SCAPER: variants seen among roughly 807,000 people sequenced by gnomAD.
The protein encoded by SCAPER is S phase cyclin A-associated protein in the endoplasmic reticulum.
A neutral mutation model predicts 182.2 loss-of-function variants in SCAPER; 98 were observed. That is an observed-to-expected ratio of 0.54 (90% CI 0.46 to 0.64). SCAPER has a LOEUF of 0.64. Ranked by LOEUF, SCAPER falls within the 30% of genes least tolerant of loss-of-function variation. The probability of loss-of-function intolerance (pLI) is 0.00; values close to 1 mark genes in which losing one functional copy is unlikely to be tolerated. For missense variants in SCAPER, 1,432 were observed against 1,690.0 expected, an observed-to-expected ratio of 0.85 and a Z score of 2.68; for synonymous variants, 605 against 564.6, an observed-to-expected ratio of 1.07 and a Z score of -1.01.
At chr15:76,849,831 TCCATATGG>T (rs1156660458) in intron 4 of SCAPER, among the ~76,000 whole-genome samples, 1 of 152,102 alleles carries the variant, frequency 6.6e-6, no homozygotes, top group Non-Finnish European at 1.5e-5. Flanking sequence ...GACTCACAGT[TCCATATGG>T]CTGGAGAGCC....
At chr15:76,673,472 G>T (rs1306359034) in intron 20 of SCAPER, among the ~76,000 whole-genome samples, 1 of 152,110 alleles carries the variant, frequency 6.6e-6, no homozygotes, top group Non-Finnish European at 1.5e-5. Context: ...GTTATTCTAA[G>T]ACTGTTCCAT....
At chr15:76,732,651 C>A (rs547314062) in intron 16 of SCAPER, among the ~76,000 whole-genome samples, 1 of 152,166 alleles carries the variant, frequency 6.6e-6, no homozygotes, top group Non-Finnish European at 1.5e-5. Flanking sequence ...CCCTTTCCCC[C>A]GGGGAGTTTA....
At chr15:76,807,322 T>TCATTCTATTAATA (rs2066240069) in intron 5 of SCAPER, among the ~76,000 whole-genome samples, 1 of 152,202 alleles carries the variant, frequency 6.6e-6, no homozygotes, top group Admixed American at 6.5e-5. Context: ...CTTTTTCCAT[T>TCATTCTATTAATA]CATTCTATTA....
At chr15:76,497,989 C>CAAAAAAAAAAAAAAAAAAAAAA (rs747096625) in intron 24 of SCAPER, among the ~76,000 whole-genome samples, 1 of 58,328 alleles carries the variant, frequency 1.7e-5, no homozygotes, top group African/African-American at 6.3e-5. Context: ...GACTCCGTCT[C>CAAAAAAAAAAAAAAAAAAAAAA]AAAAAAAAAA....
chr15:76,551,132 T>C (rs1044570161), intron 23 of SCAPER, among the ~76,000 whole-genome samples: 9 of 152,062 alleles, frequency 5.9e-5, no homozygotes, highest in Non-Finnish European at 1.2e-4. Flanking sequence ...AGTAGAGCCA[T>C]TATGAAAATC....
intron 23 of SCAPER, among the ~76,000 whole-genome samples, chr15:76,547,757 C>T (rs1004838660): frequency 6.6e-6 from 1 of 152,056 alleles, no homozygotes; most frequent in African/African-American, 2.4e-5. Flanking sequence ...CATATGCATA[C>T]ACAGGTCAAA....
rs1195513034 is a variant in SCAPER at position 76,800,165 on chromosome 15, T to C, written c.611+83A>G. The C allele has an allele frequency of 1.3e-5, 10 of 758,468 alleles. No individual in the cohort carries two copies. In the East Asian group the frequency reaches 2.2e-4, roughly 16 times the overall value. 47.0% of individuals were successfully genotyped at this position (758,468 alleles called of 1,614,324 possible). A position where few individuals can be genotyped will look rare whatever the true frequency, so the allele number is the denominator to read the frequency against. Reference sequence around the variant, plus strand: ...AACATATACATGGATATTTTTATAGTAGAATATCAGAATCATAATACTATA... The same window carrying C: ...AACATATACATGGATATTTTTATAGCAGAATATCAGAATCATAATACTATA... On this transcript the variant is annotated intron_variant, in intron 7 of 31. Transcript: ENST00000563290.
chr15:76,770,993 A>G (rs935507151), intron 10 of SCAPER, among the ~76,000 whole-genome samples: 3 of 152,138 alleles, frequency 2.0e-5, no homozygotes, highest in Non-Finnish European at 4.4e-5. Flanking sequence ...GTATAATTTT[A>G]CCTAATACCA....
At chr15:76,835,304 C>T (rs992644043) in intron 5 of SCAPER, among the ~76,000 whole-genome samples, 10 of 151,974 alleles carry the variant, frequency 6.6e-5, no homozygotes, top group Admixed American at 5.9e-4. Flanking sequence ...GAACAATATA[C>T]TAGCAAACAG....
chr15:76,504,734 T>C, intron 24 of SCAPER, 125 bp downstream of exon 24: 1 of 670,882 alleles, frequency 1.5e-6, no homozygotes, highest in Non-Finnish European at 2.4e-6. Context: ...TAATGGGGAG[T>C]GTAAGATTTT....
chr15:76,584,792 T>A (rs2048514247), intron 22 of SCAPER, among the ~76,000 whole-genome samples: 1 of 152,152 alleles, frequency 6.6e-6, no homozygotes, highest in Non-Finnish European at 1.5e-5. Flanking sequence ...GCTCAAGTGA[T>A]CCTCCTGCCT....
chr15:76,725,322 T>C (rs1368383873), intron 17 of SCAPER, among the ~76,000 whole-genome samples: 2 of 151,794 alleles, frequency 1.3e-5, no homozygotes, highest in African/African-American at 2.4e-5. Flanking sequence ...TTTCATGGAC[T>C]GAAAAACTCA....
At chr15:76,668,599 C>T (rs1276173057) in intron 20 of SCAPER, among the ~76,000 whole-genome samples, 1 of 152,194 alleles carries the variant, frequency 6.6e-6, no homozygotes, top group Admixed American at 6.5e-5. Context: ...TGGTCTTGAC[C>T]AAAGTGAATG....
chr15:76,688,487 G>A (rs900315189), intron 20 of SCAPER, among the ~76,000 whole-genome samples: 4 of 152,172 alleles, frequency 2.6e-5, no homozygotes, highest in African/African-American at 4.8e-5. Flanking sequence ...TGCTTTTGGT[G>A]TTTTAGTCAT....
chr15:76,550,044 C>G (rs537300599), intron 23 of SCAPER, among the ~76,000 whole-genome samples: 264 of 152,146 alleles, frequency 1.7e-3, no homozygotes, highest in Non-Finnish European at 3.0e-3. Flanking sequence ...AAAATAGATG[C>G]AAACGCGCTT....
At chr15:76,826,270 G>A (rs1262038161) in intron 5 of SCAPER, among the ~76,000 whole-genome samples, 1 of 151,704 alleles carries the variant, frequency 6.6e-6, no homozygotes, top group Non-Finnish European at 1.5e-5. Flanking sequence ...TAGGGACATG[G>A]ATGAAATTGG....
intron 26 of SCAPER, among the ~76,000 whole-genome samples, chr15:76,418,022 A>G (rs909853454): frequency 4.6e-5 from 7 of 152,184 alleles, no homozygotes; most frequent in African/African-American, 1.7e-4. Context: ...GTCTCAAAAA[A>G]AAAAATTTTT....
At chr15:76,902,825 G>C (rs1415990072) in intron 1 of SCAPER, among the ~76,000 whole-genome samples, 3 of 152,170 alleles carry the variant, frequency 2.0e-5, no homozygotes, top group Admixed American at 1.3e-4. Context: ...GGGAGGCCGA[G>C]GTGGGTGGAT....
At chr15:76,719,756 T>A (rs1185508358) in intron 17 of SCAPER, among the ~76,000 whole-genome samples, 1 of 152,046 alleles carries the variant, frequency 6.6e-6, no homozygotes, top group African/African-American at 2.4e-5. Flanking sequence ...ATAAATAAGA[T>A]GCCCACTAAC....
Sources: allele counts gnomAD v4.1 joint callset (sites outside exome capture counted in the v4.1 genomes callset), GRCh38; gene constraint gnomAD v4.1.1; transcripts MANE v1.5; gene names NCBI Gene and HGNC (gene_info 2026-07-23, HGNC 2026-07-21).